Variants in PLCL1 observed in about 807,000 individuals in gnomAD.
PLCL1 encodes phospholipase C like 1 (inactive).
In PLCL1, 41 loss-of-function variants were observed where a neutral mutation model predicts 84.4. That is an observed-to-expected ratio of 0.49 (90% CI 0.38 to 0.63). PLCL1 has a LOEUF of 0.63. Among genes scored for constraint, PLCL1 ranks in the 30% least tolerant of loss-of-function variants. The pLI is 0.00. For synonymous variants in PLCL1, 490 were observed against 488.3 expected, an observed-to-expected ratio of 1.00 and a Z score of -0.05; for missense variants, 1,206 against 1,367.8, an observed-to-expected ratio of 0.88 and a Z score of 1.87.
At chr2:197,979,201 G>A (rs1690052289) in intron 1 of PLCL1, among the ~76,000 whole-genome samples, 2 of 152,146 alleles carry the variant, frequency 1.3e-5, no homozygotes, top group African/African-American at 4.8e-5. Context: ...CTTTGGGACT[G>A]TACATGATTT....
intron 1 of PLCL1, among the ~76,000 whole-genome samples, chr2:197,951,083 G>C (rs981637275): frequency 6.6e-6 from 1 of 152,082 alleles, no homozygotes; most frequent in African/African-American, 2.4e-5. Flanking sequence ...GGGCTAAGAA[G>C]GTCAGGGATA....
chr2:198,101,245 G>A (rs1360156211), intron 3 of PLCL1, 40 bp from the exon 4 acceptor site: 1 of 1,240,350 alleles, frequency 8.1e-7, no homozygotes, highest in South Asian at 1.3e-5. Flanking sequence ...CCAGTTCAAG[G>A]ATTCTGACAA....
At chr2:198,003,553 C>T (rs184238852) in intron 1 of PLCL1, among the ~76,000 whole-genome samples, 41 of 152,192 alleles carry the variant, frequency 2.7e-4, no homozygotes, top group South Asian at 6.2e-4. Context: ...AGCTTTTAGA[C>T]CTTCTACTTA....
At chr2:198,029,217 T>C (rs895466564) in intron 1 of PLCL1, among the ~76,000 whole-genome samples, 1 of 152,220 alleles carries the variant, frequency 6.6e-6, no homozygotes, top group Non-Finnish European at 1.5e-5. Context: ...TTCTTACAAC[T>C]TAATTACTTT....
At chr2:198,019,416 G>A (rs1691080170) in intron 1 of PLCL1, among the ~76,000 whole-genome samples, 2 of 152,214 alleles carry the variant, frequency 1.3e-5, no homozygotes, top group South Asian at 2.1e-4. Context: ...GGCTTCAGAA[G>A]GTGGGTAATA....
At chr2:197,962,863 A>G (rs1156267801) in intron 1 of PLCL1, among the ~76,000 whole-genome samples, 2 of 152,082 alleles carry the variant, frequency 1.3e-5, no homozygotes, top group East Asian at 3.9e-4. Context: ...GACTTAACAT[A>G]ATGCCCTCCA....
At chr2:197,985,315 T>C (rs1293926906) in intron 1 of PLCL1, among the ~76,000 whole-genome samples, 2 of 152,224 alleles carry the variant, frequency 1.3e-5, no homozygotes, top group South Asian at 4.1e-4. Flanking sequence ...ATTCATTATG[T>C]AGAGCATATT....
chr2:197,927,792 A>T (rs1200420546), intron 1 of PLCL1, among the ~76,000 whole-genome samples: 4 of 152,170 alleles, frequency 2.6e-5, no homozygotes, highest in African/African-American at 9.7e-5. Context: ...TGAGTGTCAA[A>T]ATCTATGTTT....
intron 1 of PLCL1, among the ~76,000 whole-genome samples, chr2:197,870,085 G>A (rs546322213): frequency 3.9e-5 from 6 of 152,186 alleles, no homozygotes; most frequent in Admixed American, 1.3e-4. Context: ...TTGTGTCTCC[G>A]TGGAGTTAAC....
intron 1 of PLCL1, among the ~76,000 whole-genome samples, chr2:197,924,018 G>A (rs933813438): frequency 6.6e-6 from 1 of 150,752 alleles, no homozygotes; most frequent in Non-Finnish European, 1.5e-5. Context: ...GTGGCGGCGC[G>A]TGCCTGCAAT....
At chr2:198,000,854 A>G (rs907158766) in intron 1 of PLCL1, among the ~76,000 whole-genome samples, 3 of 152,132 alleles carry the variant, frequency 2.0e-5, no homozygotes, top group Non-Finnish European at 2.9e-5. Context: ...CATAAAAAAT[A>G]TGCACAGTTC....
At chr2:197,999,741 G>A (rs1225262901) in intron 1 of PLCL1, among the ~76,000 whole-genome samples, 2 of 152,148 alleles carry the variant, frequency 1.3e-5, no homozygotes, top group African/African-American at 4.8e-5. Flanking sequence ...AGGAGGGGAT[G>A]GACCATGAAA....
At chr2:197,933,306 C>G (rs1450768667) in intron 1 of PLCL1, among the ~76,000 whole-genome samples, 1 of 148,370 alleles carries the variant, frequency 6.7e-6, no homozygotes, top group Non-Finnish European at 1.5e-5. Context: ...CTCTGTTGCC[C>G]AGGCTGGAGC....
intron 1 of PLCL1, among the ~76,000 whole-genome samples, chr2:197,863,336 T>G (rs887313327): frequency 1.3e-5 from 2 of 152,134 alleles, no homozygotes; most frequent in Non-Finnish European, 2.9e-5. Context: ...GTAAATTGTG[T>G]TTAAAAGTAC....
intron 1 of PLCL1, among the ~76,000 whole-genome samples, chr2:198,000,685 T>C (rs1368102123): frequency 1.3e-5 from 2 of 152,110 alleles, no homozygotes; most frequent in African/African-American, 4.8e-5. Context: ...AAGTGACTTA[T>C]TCGAGGTGAT....
chr2:198,019,687 A>G (rs1691087156), intron 1 of PLCL1, among the ~76,000 whole-genome samples: 2 of 152,218 alleles, frequency 1.3e-5, no homozygotes, highest in Non-Finnish European at 2.9e-5. Context: ...AGATTAGAGA[A>G]AGAAAGAATG....
intron 1 of PLCL1, among the ~76,000 whole-genome samples, chr2:197,917,968 C>T (rs1589162): frequency 0.27 from 41,288 of 151,914 alleles, 6,732 homozygotes; most frequent in East Asian, 0.5. Flanking sequence ...AAAATAGATC[C>T]GTGAGTCCAT....
At chr2:198,103,990 C>A (rs992634302) in intron 5 of PLCL1, 54 bp downstream of exon 5, 5 of 819,204 alleles carry the variant, frequency 6.1e-6, no homozygotes, top group South Asian at 1.8e-5. Context: ...CTCCTCATCT[C>A]TCCAATGTGT....
chr2:198,068,282 A>C, intron 1 of PLCL1, among the ~76,000 whole-genome samples: 1 of 152,226 alleles, frequency 6.6e-6, no homozygotes, highest in East Asian at 1.9e-4. Flanking sequence ...AAATGACTTT[A>C]ACGTTCTTTT....
Sources: allele counts gnomAD v4.1 joint callset (sites outside exome capture counted in the v4.1 genomes callset), GRCh38; gene constraint gnomAD v4.1.1; transcripts MANE v1.5; gene names NCBI Gene and HGNC (gene_info 2026-07-23, HGNC 2026-07-21).